The following DAP variants were observed in gnomAD, a reference collection of about 807,000 sequenced individuals.
The protein encoded by DAP is death-associated protein 1.
DAP carries 8 observed loss-of-function variants against 13.8 expected under a neutral mutation model. The ratio of observed to expected loss-of-function variants is 0.58; its 90% confidence interval spans 0.34 to 1.05. The LOEUF (loss-of-function observed/expected upper bound fraction) is 1.05. DAP is among the 50% of genes least tolerant of loss of function. The probability of loss-of-function intolerance (pLI) is 0.03; values close to 1 mark genes in which losing one functional copy is unlikely to be tolerated. For missense variants in DAP, 106 were observed against 133.2 expected, an observed-to-expected ratio of 0.80 and a Z score of 1.01; for synonymous variants, 47 against 47.5, an observed-to-expected ratio of 0.99 and a Z score of 0.04.
chr5:10,728,863 C>T (rs76465020), intron 2 of DAP, among the ~76,000 whole-genome samples: 1,747 of 152,220 alleles, frequency 0.011, 13 homozygotes, highest in Non-Finnish European at 0.018. Context: ...GCCAGTCAGC[C>T]CCATCCCCAG....
Position 10,748,250 on chromosome 5 carries a change from AT to A in DAP, c.76del (p.Ile26LeufsTer194), listed in dbSNP as rs1349461208. 2 of 1,613,966 alleles carry A rather than the reference AT, an allele frequency of 1.2e-6. No homozygotes were observed. The highest frequency in any genetic ancestry group is 2.2e-5 in the South Asian group (2 of 91,062). On this transcript the variant is annotated frameshift_variant, in exon 2 of 4. Coordinates refer to ENST00000230895, the MANE Select transcript of DAP (RefSeq NM_004394.3). LOFTEE classifies it high-confidence loss of function. ...PPAVKAGGMR[I>X]VQKHPHTGDT... ...TCCTGTATGTGGGTGTTTCTGCACA[AT>A]TCGCATTCCACCAGCTTTCACTGAA...
chr5:10,745,749 A>G (rs889764133), intron 2 of DAP, among the ~76,000 whole-genome samples: 13 of 152,108 alleles, frequency 8.5e-5, no homozygotes, highest in Non-Finnish European at 1.5e-5. Flanking sequence ...TTCCACTTAA[A>G]CTCACCAAGA....
intron 2 of DAP, among the ~76,000 whole-genome samples, chr5:10,737,345 C>CAAAA (rs35941385): frequency 2.9e-5 from 3 of 102,814 alleles, no homozygotes; most frequent in African/African-American, 1.1e-4. Flanking sequence ...GACTCTGTCT[C>CAAAA]AAAAAAAAAA....
At chr5:10,742,214 A>G (rs1044034262) in intron 2 of DAP, among the ~76,000 whole-genome samples, 1 of 152,120 alleles carries the variant, frequency 6.6e-6, no homozygotes, top group Non-Finnish European at 1.5e-5. Context: ...GGACTCATGG[A>G]TATTTATTTT....
At chr5:10,748,089 G>T in intron 2 of DAP, 86 bp downstream of exon 2, 1 of 976,978 alleles carries the variant, frequency 1.0e-6, no homozygotes, top group Non-Finnish European at 1.6e-6. Flanking sequence ...GGAGTTATCA[G>T]AATCATAGAA....
At chr5:10,689,795 G>GACTC (rs768447953) in intron 2 of DAP, among the ~76,000 whole-genome samples, 1 of 152,146 alleles carries the variant, frequency 6.6e-6, no homozygotes, top group Non-Finnish European at 1.5e-5. Flanking sequence ...CAGTCAAAGG[G>GACTC]ACTCACTCAG....
intron 2 of DAP, among the ~76,000 whole-genome samples, chr5:10,701,220 G>A (rs375400980): frequency 8.5e-5 from 13 of 152,242 alleles, no homozygotes; most frequent in African/African-American, 2.9e-4. Context: ...AGCACCCAGA[G>A]AAGTCATCTG....
At chr5:10,728,851 G>A (rs935908099) in intron 2 of DAP, among the ~76,000 whole-genome samples, 1 of 152,154 alleles carries the variant, frequency 6.6e-6, no homozygotes, top group African/African-American at 2.4e-5. Flanking sequence ...CAGGGGGAGA[G>A]GGCCAGTCAG....
Position 10,761,005 on chromosome 5 carries a change from A to T in DAP, c.55+9T>A. ...CCCGCGCGTGGAGAGAGAGGAAAAG[A>T]GTCAGTACCGGCGGGCGGGTGTCCA... On this transcript the variant is annotated intron_variant, in intron 1 of 3. Coordinates refer to ENST00000230895, the MANE Select transcript of DAP (RefSeq NM_004394.3). 8.1e-7 allele frequency: 1 copy of T among 1,233,354 alleles called. No individual in the cohort carries two copies. The highest frequency in any genetic ancestry group is 1.0e-6 in the Non-Finnish European group (1 of 976,432). The allele number at this position is 1,233,354 out of a possible 1,614,324, so 76.4% of individuals were successfully genotyped here.
At chr5:10,759,704 C>A (rs116360684) in intron 1 of DAP, among the ~76,000 whole-genome samples, 2,063 of 151,750 alleles carry the variant, frequency 0.014, 51 homozygotes, top group African/African-American at 0.046. Flanking sequence ...AGAGAATTCC[C>A]GCCCTATAGC....
intron 1 of DAP, among the ~76,000 whole-genome samples, chr5:10,760,534 T>C (rs1026086618): frequency 2.0e-5 from 3 of 152,222 alleles, no homozygotes; most frequent in African/African-American, 7.2e-5. Context: ...TATTGAGTGA[T>C]TAATGATAAA....
chr5:10,700,481 G>A (rs940527548), intron 2 of DAP, among the ~76,000 whole-genome samples: 11 of 152,238 alleles, frequency 7.2e-5, no homozygotes, highest in Admixed American at 2.6e-4. Flanking sequence ...AGGAAGGGGA[G>A]TCGTTAGGGA....
At chr5:10,722,479 ACT>A (rs896532472) in intron 2 of DAP, among the ~76,000 whole-genome samples, 2 of 150,558 alleles carry the variant, frequency 1.3e-5, no homozygotes, top group East Asian at 1.9e-4. Flanking sequence ...TACTTAATAA[ACT>A]CTCTCTCTAT....
At chr5:10,739,246 A>G in intron 2 of DAP, among the ~76,000 whole-genome samples, 1 of 143,848 alleles carries the variant, frequency 7.0e-6, no homozygotes, top group African/African-American at 2.5e-5. Context: ...AAATGGGAGG[A>G]GCAGCAAGTG....
intron 2 of DAP, among the ~76,000 whole-genome samples, chr5:10,734,834 A>T (rs1739563726): frequency 6.6e-6 from 1 of 152,244 alleles, no homozygotes; most frequent in African/African-American, 2.4e-5. Context: ...TGAGCTAAAC[A>T]TGAAGATATA....
At chr5:10,722,443 T>C (rs1233930961) in intron 2 of DAP, among the ~76,000 whole-genome samples, 1 of 152,040 alleles carries the variant, frequency 6.6e-6, no homozygotes, top group Non-Finnish European at 1.5e-5. Flanking sequence ...CAGCCTACTG[T>C]GGGACCTTGT....
At chr5:10,744,525 G>A (rs1326647125) in intron 2 of DAP, among the ~76,000 whole-genome samples, 2 of 152,164 alleles carry the variant, frequency 1.3e-5, no homozygotes, top group Non-Finnish European at 2.9e-5. Flanking sequence ...ACAAGGTTAT[G>A]GGCAACCCCA....
At chr5:10,729,164 T>C (rs954131723) in intron 2 of DAP, among the ~76,000 whole-genome samples, 2 of 152,220 alleles carry the variant, frequency 1.3e-5, no homozygotes, top group African/African-American at 4.8e-5. Context: ...AATTCCCTCA[T>C]GCCCACTTTC....
intron 2 of DAP, among the ~76,000 whole-genome samples, chr5:10,695,012 C>A (rs1561010004): frequency 6.6e-6 from 1 of 152,168 alleles, no homozygotes; most frequent in Non-Finnish European, 1.5e-5. Flanking sequence ...TCCGTTCCTG[C>A]CATTTTTAGT....
Sources: allele counts gnomAD v4.1 joint callset (sites outside exome capture counted in the v4.1 genomes callset), GRCh38; gene constraint gnomAD v4.1.1; transcripts MANE v1.5; gene names NCBI Gene and HGNC (gene_info 2026-07-23, HGNC 2026-07-21).